SERPINB10: variants seen among roughly 807,000 people sequenced by gnomAD.
SERPINB10 encodes the protein serpin family B member 10, also known as serpin B10.
SERPINB10 carries 35 observed loss-of-function variants against 39.1 expected under a neutral mutation model. The observed-to-expected ratio is 0.90, with a 90% CI of 0.68 to 1.19. The LOEUF is 1.19. Among genes scored for constraint, SERPINB10 ranks in the 50% most tolerant of loss-of-function variants. SERPINB10 has a pLI of 0.00. For synonymous variants in SERPINB10, 190 were observed against 158.1 expected, an observed-to-expected ratio of 1.20 and a Z score of -1.52; for missense variants, 546 against 460.5, an observed-to-expected ratio of 1.19 and a Z score of -1.70.
intron 5 of SERPINB10, among the ~76,000 whole-genome samples, chr18:63,928,070 AT>A (rs5825544): frequency 0.024 from 3,584 of 149,888 alleles, 167 homozygotes; most frequent in East Asian, 0.2. Context: ...ATCATGTTTA[AT>A]TTTTTTTTTC....
intron 5 of SERPINB10, among the ~76,000 whole-genome samples, chr18:63,920,790 T>A (rs1303914969): frequency 6.6e-6 from 1 of 151,974 alleles, no homozygotes; most frequent in Non-Finnish European, 1.5e-5. Flanking sequence ...TTCCAGTCAA[T>A]TCCAGTCACC....
intron 1 of SERPINB10, among the ~76,000 whole-genome samples, chr18:63,909,435 T>C (rs1378983120): frequency 6.6e-6 from 1 of 152,064 alleles, no homozygotes; most frequent in Non-Finnish European, 1.5e-5. Context: ...TAGTACTTCA[T>C]TAGATTTCTT....
chr18:63,914,701 TGTGA>T (rs952139909), intron 1 of SERPINB10, among the ~76,000 whole-genome samples: 17 of 152,150 alleles, frequency 1.1e-4, no homozygotes, highest in African/African-American at 3.9e-4. Flanking sequence ...TGGTCCAAGC[TGTGA>T]GTGTTTGTGA....
intron 5 of SERPINB10, among the ~76,000 whole-genome samples, chr18:63,920,822 T>A (rs1478850681): frequency 6.6e-6 from 1 of 151,962 alleles, no homozygotes; most frequent in African/African-American, 2.4e-5. Context: ...AAGAAAGACC[T>A]GCAAAATGGA....
intron 1 of SERPINB10, 97 bp downstream of exon 1, chr18:63,908,137 C>A (rs2050038798): frequency 4.6e-6 from 1 of 215,732 alleles, no homozygotes. Context: ...CCCCTTCCCC[C>A]AAAAAAGTCC....
intron 6 of SERPINB10, among the ~76,000 whole-genome samples, chr18:63,932,766 C>T (rs1000908646): frequency 6.6e-6 from 1 of 152,162 alleles, no homozygotes; most frequent in Non-Finnish European, 1.5e-5. Context: ...ATAATTTACA[C>T]AAGATCATAT....
intron 5 of SERPINB10, among the ~76,000 whole-genome samples, chr18:63,927,203 G>T (rs1191367353): frequency 6.6e-6 from 1 of 151,876 alleles, no homozygotes; most frequent in African/African-American, 2.4e-5. Context: ...TTATGGGTTT[G>T]TTGAAGAAAA....
chr18:63,913,058 T>G (rs2050076350), intron 1 of SERPINB10, among the ~76,000 whole-genome samples: 1 of 151,888 alleles, frequency 6.6e-6, no homozygotes, highest in African/African-American at 2.4e-5. Context: ...ATCTAGTTTG[T>G]GTGCATAGAG....
intron 3 of SERPINB10, among the ~76,000 whole-genome samples, 158 bp from the exon 4 acceptor site, chr18:63,917,807 C>A (rs147206786): frequency 3.9e-5 from 6 of 151,984 alleles, no homozygotes; most frequent in Non-Finnish European, 7.4e-5. Flanking sequence ...ACATTTCATT[C>A]TTTTGCACTA....
intron 5 of SERPINB10, among the ~76,000 whole-genome samples, chr18:63,924,846 C>T (rs1007976911): frequency 6.6e-6 from 1 of 151,938 alleles, no homozygotes; most frequent in Non-Finnish European, 1.5e-5. Context: ...GCTTGTAGCA[C>T]TGTTTCAGAT....
Position 63,935,235 on chromosome 18 carries a change from C to G in SERPINB10, c.1187C>G (p.Ser396Cys), listed in dbSNP as rs556407090. The G allele has an allele frequency of 1.0e-5, 16 of 1,574,490 alleles. No individual in the cohort carries two copies. The African/African-American group carries it at 1.6e-4, about 16-fold the overall frequency. ...ATTCTTTTTTATGGAAGATTATGCT[C>G]CCCCTAAATCCTGCATATCTCTCAA... ...NTILFYGRLC[S>C]P Residue 396 changes from serine (S) to cysteine (C), a missense_variant, in exon 8 of 8, where the codon TCC becomes TGC. Physicochemically the swap from Ser to Cys is moderately radical, Grantham distance 112. Coordinates refer to ENST00000238508, the MANE Select transcript of SERPINB10 (RefSeq NM_005024.3).
In SERPINB10 at chr18:63,933,094, AC is replaced by A. The variant is rs2050235473; in HGVS notation, c.681del (p.His227GlnfsTer5). 1 of 1,613,902 alleles carries A rather than the reference AC, an allele frequency of 6.2e-7. No individual in the cohort carries two copies. Among genetic ancestry groups the A allele is most frequent in the African/African-American group, 1.3e-5 (1 of 74,914 alleles). ...VQMMFMKKKL[H>X]IFHIEKPKAV... ...ATGATGTTTATGAAGAAAAAGCTTC[AC>A]ATTTTTCACATAGAAAAGCCAAAAG... On this transcript the variant is annotated frameshift_variant, in exon 7 of 8. Transcript: ENST00000238508. LOFTEE classifies it high-confidence loss of function.
At chr18:63,930,326 CCTTCAGTT>C (rs1346386681) in intron 6 of SERPINB10, 139 bp downstream of exon 6, 1 of 890,392 alleles carries the variant, frequency 1.1e-6, no homozygotes, top group Non-Finnish European at 1.7e-6. Flanking sequence ...GGGCTAAAAG[CCTTCAGTT>C]CCATGGGGAA....
Position 63,935,178 on chromosome 18 carries a change from T to C in SERPINB10, c.1130T>C (p.Leu377Pro). ...GAATTCAATGCAAATCACCCATTCC[T>C]CTTCTTCATCAGGCACAATAAAACC... ...SIEFNANHPF[L>P]FFIRHNKTNT... The change falls in exon 8 of 8, where the codon CTC (leucine) becomes CCC (proline). Residue 377 changes from leucine to proline, a missense_variant. Leu to Pro is a moderately conservative substitution (Grantham distance 98). Coordinates refer to ENST00000238508, the MANE Select transcript of SERPINB10 (RefSeq NM_005024.3). 6.2e-7 allele frequency: 1 copy of C among 1,612,208 alleles called. No homozygotes were observed. The highest frequency in any genetic ancestry group is 8.5e-7 in the Non-Finnish European group (1 of 1,179,630).
At chr18:63,909,711 C>A (rs1408877450) in intron 1 of SERPINB10, among the ~76,000 whole-genome samples, 1 of 151,874 alleles carries the variant, frequency 6.6e-6, no homozygotes, top group Admixed American at 6.6e-5. Context: ...TGTGGTTTGG[C>A]CAAAAACCAA....
intron 5 of SERPINB10, among the ~76,000 whole-genome samples, chr18:63,922,158 C>T (rs1482835524): frequency 1.3e-5 from 2 of 151,924 alleles, no homozygotes; most frequent in Admixed American, 6.6e-5. Context: ...AGCAGTTGTT[C>T]AGAACATTAA....
At chr18:63,921,531 C>T (rs566040850) in intron 5 of SERPINB10, among the ~76,000 whole-genome samples, 7 of 152,050 alleles carry the variant, frequency 4.6e-5, no homozygotes, top group Middle Eastern at 3.4e-3. Flanking sequence ...TCCTTTCCTC[C>T]ACAGCCTTTC....
chr18:63,932,294 A>G (rs1249628350), intron 6 of SERPINB10, among the ~76,000 whole-genome samples: 1 of 152,226 alleles, frequency 6.6e-6, no homozygotes, highest in Non-Finnish European at 1.5e-5. Flanking sequence ...GCTGCATCGT[A>G]TGGTAAGACT....
chr18:63,928,973 C>T (rs983891201), intron 5 of SERPINB10, among the ~76,000 whole-genome samples: 1 of 152,164 alleles, frequency 6.6e-6, no homozygotes, highest in East Asian at 1.9e-4. Flanking sequence ...TCCATGTTCA[C>T]ATGTAAATCA....
Sources: gnomAD v4.1 joint callset for allele counts (sites outside exome capture counted in the v4.1 genomes callset) on GRCh38, gnomAD v4.1.1 for gene constraint, MANE v1.5 for transcripts, NCBI Gene and HGNC (gene_info 2026-07-23, HGNC 2026-07-21) for gene names.